TRAPPC9: variants seen among roughly 807,000 people sequenced by gnomAD.
TRAPPC9 encodes the protein IKK2 binding protein.
Under a neutral mutation model 124.0 loss-of-function variants are expected in TRAPPC9, and 83 were observed. The ratio of observed to expected loss-of-function variants is 0.67; its 90% CI spans 0.56 to 0.80. The LOEUF is 0.80. TRAPPC9 is among the 30% of genes least tolerant of loss of function. The probability of loss-of-function intolerance (pLI) is 0.00; values close to 1 mark genes in which losing one functional copy is unlikely to be tolerated. For synonymous variants in TRAPPC9, 638 were observed against 617.5 expected (o/e 1.03, Z -0.49); for missense variants, 1,302 against 1,508.3 (o/e 0.86, Z 2.27).
rs576208691 is a variant in TRAPPC9 at position 140,211,199 on chromosome 8, C to T, written c.2556+10260G>A. ...CTTGAGGCCAGGAGTTCAAGACCAA[C>T]CTGGTCATCAAAGCCAGACCACATC... On this transcript the variant is annotated intron_variant, in intron 17 of 22. Transcript: ENST00000438773. 2.6e-5 allele frequency among the ~76,000 whole-genome samples: 4 copies of T among 151,918 alleles called. No homozygotes were observed. In the South Asian group the frequency reaches 6.3e-4, roughly 24 times the overall value.
chr8:139,861,794 G>A (rs549719989), intron 21 of TRAPPC9, among the ~76,000 whole-genome samples: 5 of 152,028 alleles, frequency 3.3e-5, no homozygotes, highest in Non-Finnish European at 7.4e-5. Context: ...ACGTGAAGAC[G>A]CACTGTCTCC....
chr8:139,791,648 G>T (rs1357797180), intron 21 of TRAPPC9, among the ~76,000 whole-genome samples: 1 of 152,138 alleles, frequency 6.6e-6, no homozygotes, highest in Non-Finnish European at 1.5e-5. Context: ...CCCAGGCGCT[G>T]GGCTCTGGTG....
chr8:140,310,132 C>T (rs2066255609), intron 10 of TRAPPC9, among the ~76,000 whole-genome samples: 1 of 152,218 alleles, frequency 6.6e-6, no homozygotes, highest in African/African-American at 2.4e-5. Context: ...ATTTCTTAAG[C>T]ACCATACACA....
intron 19 of TRAPPC9, among the ~76,000 whole-genome samples, chr8:139,956,419 C>T (rs1834989033): frequency 6.6e-6 from 1 of 152,296 alleles, no homozygotes; most frequent in Middle Eastern, 3.4e-3. Context: ...CCTCAACCTC[C>T]CAAAGTGCTG....
chr8:140,440,878 C>T (rs1244520513), intron 2 of TRAPPC9, among the ~76,000 whole-genome samples: 3 of 151,886 alleles, frequency 2.0e-5, no homozygotes, highest in Non-Finnish European at 4.4e-5. Flanking sequence ...CTTTTAGGCT[C>T]ATCTCAATGA....
intron 17 of TRAPPC9, among the ~76,000 whole-genome samples, chr8:140,054,763 AC>A (rs1204546770): frequency 9.2e-5 from 14 of 152,240 alleles, no homozygotes; most frequent in Admixed American, 2.0e-4. Context: ...ATGACTATGA[AC>A]CATTACACAA....
chr8:139,967,706 T>C (rs910053786), intron 19 of TRAPPC9, among the ~76,000 whole-genome samples: 10 of 152,260 alleles, frequency 6.6e-5, no homozygotes, highest in African/African-American at 2.2e-4. Flanking sequence ...TGGCTGTTCA[T>C]GGCCTCACGC....
At chr8:140,183,769 C>T (rs2062261726) in intron 17 of TRAPPC9, among the ~76,000 whole-genome samples, 1 of 150,984 alleles carries the variant, frequency 6.6e-6, no homozygotes, top group Admixed American at 6.6e-5. Context: ...GCAGGAGAAT[C>T]GCTTGAACCC....
chr8:139,734,169 G>A (rs1818011324), intron 21 of TRAPPC9, among the ~76,000 whole-genome samples: 1 of 152,134 alleles, frequency 6.6e-6, no homozygotes, highest in South Asian at 2.1e-4. Flanking sequence ...GGAGGCTGTG[G>A]GGGCCTGGCA....
intron 12 of TRAPPC9, among the ~76,000 whole-genome samples, chr8:140,290,552 CGTG>C (rs5895636): frequency 0.65 from 99,039 of 151,548 alleles, 32,827 homozygotes; most frequent in African/African-American, 0.78. Context: ...AGAGAAAGCT[CGTG>C]GTGGTGGTGG....
At chr8:140,447,749 G>A (rs1376900242) in intron 2 of TRAPPC9, among the ~76,000 whole-genome samples, 4 of 152,114 alleles carry the variant, frequency 2.6e-5, no homozygotes, top group Non-Finnish European at 5.9e-5. Context: ...TTCCTGTTGA[G>A]CTACAAAATA....
intron 17 of TRAPPC9, among the ~76,000 whole-genome samples, chr8:140,150,346 A>G (rs28721501): frequency 0.75 from 114,023 of 152,062 alleles, 44,160 homozygotes; most frequent in African/African-American, 0.94. Flanking sequence ...CTACTCAGGA[A>G]GCTGAGGCAG....
intron 21 of TRAPPC9, among the ~76,000 whole-genome samples, chr8:139,738,925 G>C (rs1340931973): frequency 6.6e-6 from 1 of 152,164 alleles, no homozygotes; most frequent in Non-Finnish European, 1.5e-5. Context: ...GATGTGGAGT[G>C]AGTGTCAGAT....
intron 18 of TRAPPC9, among the ~76,000 whole-genome samples, chr8:140,017,361 C>T (rs1257465001): frequency 6.6e-6 from 1 of 152,174 alleles, no homozygotes; most frequent in Non-Finnish European, 1.5e-5. Context: ...AAAGGTTTTA[C>T]TTTTAGGCCT....
chr8:140,199,045 G>C (rs1010179859), intron 17 of TRAPPC9, among the ~76,000 whole-genome samples: 5 of 152,192 alleles, frequency 3.3e-5, no homozygotes, highest in African/African-American at 1.2e-4. Flanking sequence ...GGGAGCAACA[G>C]TGCAGCTGAG....
chr8:139,793,471 C>T (rs891037618), intron 21 of TRAPPC9, among the ~76,000 whole-genome samples: 11 of 152,190 alleles, frequency 7.2e-5, no homozygotes, highest in East Asian at 5.8e-4. Flanking sequence ...GGCTCCTGCC[C>T]GCCACCTGCC....
chr8:140,377,000 C>A lies in TRAPPC9; in HGVS notation c.1135-5820G>T, dbSNP rs553239364. ...GTTCCTAGACTACCAGGTATACCCA[C>A]CACATGCTAGAGGAAGGACACTTTG... On this transcript the variant is annotated intron_variant, in intron 7 of 22. Coordinates refer to ENST00000438773, the MANE Select transcript of TRAPPC9 (RefSeq NM_001160372.4). 1.2e-3 allele frequency among the ~76,000 whole-genome samples: 182 copies of A among 152,202 alleles called. 2 individuals are homozygous for A. The highest frequency in any genetic ancestry group is 4.3e-3 in the African/African-American group (179 of 41,508).
chr8:140,303,872 GA>G (rs2066049191), intron 10 of TRAPPC9, among the ~76,000 whole-genome samples: 1 of 152,168 alleles, frequency 6.6e-6, no homozygotes, highest in South Asian at 2.1e-4. Context: ...AAATGGCTCT[GA>G]CCATCTATTC....
intron 17 of TRAPPC9, among the ~76,000 whole-genome samples, chr8:140,172,965 G>A (rs1440844583): frequency 1.3e-5 from 2 of 152,132 alleles, no homozygotes. Context: ...ACTGAAGCTG[G>A]TGGCTGGTTA....
Sources: allele counts gnomAD v4.1 joint callset (sites outside exome capture counted in the v4.1 genomes callset), GRCh38; gene constraint gnomAD v4.1.1; transcripts MANE v1.5; gene names NCBI Gene and HGNC (gene_info 2026-07-23, HGNC 2026-07-21).